The following GABRB3 variants were observed in gnomAD, a reference collection of about 807,000 sequenced individuals.
GABRB3 encodes the protein gamma-aminobutyric acid receptor subunit beta-3.
A neutral mutation model predicts 52.1 loss-of-function variants in GABRB3; 14 were observed. That is an observed-to-expected ratio of 0.27 (90% CI 0.18 to 0.42). The LOEUF (loss-of-function observed/expected upper bound fraction) is 0.42, where lower values mean the gene tolerates loss of function less well. GABRB3 is among the 10% of genes least tolerant of loss of function. The probability of loss-of-function intolerance (pLI) is 1.00; values close to 1 mark genes in which losing one functional copy is unlikely to be tolerated. For missense variants in GABRB3, 307 were observed against 609.1 expected (o/e 0.50, Z 5.22); for synonymous variants, 260 against 232.3 (o/e 1.12, Z -1.08).
At chr15:26,772,316 G>T in intron 3 of GABRB3, 86 bp downstream of exon 3, 1 of 1,205,330 alleles carries the variant, frequency 8.3e-7, no homozygotes, top group Non-Finnish European at 1.2e-6. Flanking sequence ...CGGCCGAAGA[G>T]GCCTCCGGCC....
chr15:26,667,415 G>A (rs77020676), intron 3 of GABRB3, among the ~76,000 whole-genome samples: 1,653 of 152,292 alleles, frequency 0.011, 28 homozygotes, highest in African/African-American at 0.038. Context: ...ACCGGATGGA[G>A]TGCACCAGAA....
intron 3 of GABRB3, among the ~76,000 whole-genome samples, chr15:26,709,522 T>TTA (rs1889222329): frequency 7.3e-6 from 1 of 136,456 alleles, no homozygotes; most frequent in Non-Finnish European, 1.6e-5. Context: ...TTTCTTTTTT[T>TTA]TTTTTTTTTT....
At chr15:26,553,220 G>A (rs1403149925) in intron 8 of GABRB3, among the ~76,000 whole-genome samples, 2 of 152,028 alleles carry the variant, frequency 1.3e-5, no homozygotes, top group African/African-American at 2.4e-5. Context: ...GCGCGATCTC[G>A]GCTCACTGCA....
rs17117178 is a variant in GABRB3 at position 26,621,962 on chromosome 15, T to C, written c.241-428A>G. ...CTCTATCTACAAACTCTCTCTGCAA[T>C]TTGAGCCACTTTCCTCTGGTTCTGC... On this transcript the variant is annotated intron_variant, in intron 3 of 8. Transcript: ENST00000311550. This position sits in a 1 kb window ranked among gnomAD's most constrained non-coding sequence, Gnocchi z 4.1. Among the ~76,000 whole-genome samples, 22,600 of 151,590 alleles carry C rather than the reference T, an allele frequency of 0.15. 1,676 individuals carry two copies. Among genetic ancestry groups the C allele is most frequent in the Non-Finnish European group, 0.16 (10,521 of 67,842 alleles).
intron 7 of GABRB3, among the ~76,000 whole-genome samples, chr15:26,563,160 T>C (rs962288453): frequency 2.6e-5 from 4 of 152,162 alleles, no homozygotes; most frequent in Non-Finnish European, 5.9e-5. Flanking sequence ...GCTGGCTATT[T>C]TGAATGGACA....
chr15:26,695,080 C>T (rs925720738), intron 3 of GABRB3, among the ~76,000 whole-genome samples: 1 of 151,908 alleles, frequency 6.6e-6, no homozygotes, highest in African/African-American at 2.4e-5. Flanking sequence ...GTATAACAAA[C>T]GTATATGTAA....
chr15:26,596,214 T>C (rs1221837294), intron 4 of GABRB3, among the ~76,000 whole-genome samples: 1 of 152,106 alleles, frequency 6.6e-6, no homozygotes, highest in Non-Finnish European at 1.5e-5. Context: ...AATTATGATA[T>C]AAAGTCAAAG....
intron 4 of GABRB3, among the ~76,000 whole-genome samples, chr15:26,593,292 A>C (rs1891272201): frequency 6.6e-6 from 1 of 152,202 alleles, no homozygotes; most frequent in Non-Finnish European, 1.5e-5. Context: ...ACATGAAACA[A>C]TCAAAAAAAT....
In GABRB3 at chr15:26,603,993, G is replaced by T. The variant is rs193122787; in HGVS notation, c.461+17321C>A. ...GGAAGAAGTCAAATTATCCTTGTTT[G>T]CAGATGGTATAATCTTATAATTGGA... On this transcript the variant is annotated intron_variant, in intron 4 of 8. Coordinates refer to ENST00000311550, the MANE Select transcript of GABRB3 (RefSeq NM_000814.6). 4.8e-3 allele frequency among the ~76,000 whole-genome samples: 737 copies of T among 152,200 alleles called. 6 individuals are homozygous for T. The highest frequency in any genetic ancestry group is 0.017 in the African/African-American group (712 of 41,542).
chr15:26,692,444 T>C (rs1264804045), intron 3 of GABRB3, among the ~76,000 whole-genome samples: 2 of 152,254 alleles, frequency 1.3e-5, no homozygotes, highest in East Asian at 3.9e-4. Context: ...TTCTGTGAAA[T>C]CTTTAGATAT....
intron 3 of GABRB3, among the ~76,000 whole-genome samples, chr15:26,648,715 G>A (rs193207420): frequency 1.3e-5 from 2 of 152,354 alleles, no homozygotes; most frequent in Admixed American, 6.5e-5. Context: ...AACAGTGTCT[G>A]TAAAACCACA....
At chr15:26,571,885 TA>T in intron 6 of GABRB3, among the ~76,000 whole-genome samples, 1 of 151,874 alleles carries the variant, frequency 6.6e-6, no homozygotes, top group South Asian at 2.1e-4. Flanking sequence ...CCATCTCTAC[TA>T]AAAATACAAA....
At chr15:26,574,276 G>C (rs1373455942) in intron 6 of GABRB3, among the ~76,000 whole-genome samples, 1 of 152,128 alleles carries the variant, frequency 6.6e-6, no homozygotes, top group Non-Finnish European at 1.5e-5. Flanking sequence ...GTGTTGGTGA[G>C]AATATGGAGA....
intron 8 of GABRB3, among the ~76,000 whole-genome samples, chr15:26,556,592 A>G (rs1889760830): frequency 6.6e-6 from 1 of 152,174 alleles, no homozygotes; most frequent in African/African-American, 2.4e-5. Context: ...CAACTCAGGA[A>G]CAAACAGATG....
chr15:26,549,458 C>T (rs959044170), intron 8 of GABRB3, among the ~76,000 whole-genome samples: 1 of 152,140 alleles, frequency 6.6e-6, no homozygotes, highest in African/African-American at 2.4e-5. Context: ...GGTTTGGTAA[C>T]ACCATTCTGG....
At chr15:26,737,974 T>C (rs1447553852) in intron 3 of GABRB3, among the ~76,000 whole-genome samples, 1 of 152,226 alleles carries the variant, frequency 6.6e-6, no homozygotes, top group East Asian at 1.9e-4. Context: ...TCTAAGTTCC[T>C]GAATGTTTCT....
intron 6 of GABRB3, among the ~76,000 whole-genome samples, chr15:26,569,040 C>T (rs528615392): frequency 2.6e-4 from 39 of 152,228 alleles, no homozygotes; most frequent in African/African-American, 8.4e-4. Context: ...CCCTAAACTC[C>T]AAGAGGCCTC....
At chr15:26,643,314 C>G (rs902018774) in intron 3 of GABRB3, among the ~76,000 whole-genome samples, 2 of 152,142 alleles carry the variant, frequency 1.3e-5, no homozygotes, top group Non-Finnish European at 2.9e-5. Flanking sequence ...TGATGGGATG[C>G]CAGAAAGCAG....
chr15:26,653,027 T>C (rs1323732214), intron 3 of GABRB3, among the ~76,000 whole-genome samples: 2 of 152,208 alleles, frequency 1.3e-5, no homozygotes, highest in African/African-American at 2.4e-5. Flanking sequence ...GAAAGAGTTC[T>C]GACCTCACCG....
Sources: allele counts gnomAD v4.1 joint callset (sites outside exome capture counted in the v4.1 genomes callset), GRCh38; gene constraint gnomAD v4.1.1; non-coding constraint Gnocchi (gnomAD v3.1); transcripts MANE v1.5; gene names NCBI Gene and HGNC (gene_info 2026-07-23, HGNC 2026-07-21).